Variants in CBX7 observed in about 807,000 individuals in gnomAD.
CBX7 encodes chromobox protein homolog 7.
A neutral mutation model predicts 31.4 loss-of-function variants in CBX7; 14 were observed. The ratio of observed to expected loss-of-function variants is 0.45; its 90% confidence interval spans 0.29 to 0.70. CBX7 has a LOEUF of 0.70. CBX7 is among the 30% of genes least tolerant of loss of function. The pLI is 0.11. For missense variants in CBX7, 269 were observed against 351.9 expected (o/e 0.76, Z 1.89); for synonymous variants, 159 against 152.6 (o/e 1.04, Z -0.31).
In CBX7 at chr22:39,132,962, AACC is replaced by A. The variant is rs1352659473; in HGVS notation, c.*926_*928del. The A allele has an allele frequency of 6.6e-6, 1 of 152,402 alleles. No individual in the cohort carries two copies. Among genetic ancestry groups the A allele is most frequent in the African/African-American group, 2.4e-5 (1 of 41,450 alleles). The allele number at this position is 152,402 out of a possible 1,614,324, so 9.4% of individuals were successfully genotyped here. ...GCAGCCTGGCCCGGTGCAGCCGAGAAACCACATCTGTATGCCTGGAGCATGGGG... is the reference window on the plus strand; with the variant it reads ...GCAGCCTGGCCCGGTGCAGCCGAGAAACATCTGTATGCCTGGAGCATGGGG... On this transcript the variant is annotated 3_prime_UTR_variant, in exon 6 of 6. Coordinates refer to ENST00000216133, the MANE Select transcript of CBX7 (RefSeq NM_175709.5).
At chr22:39,147,951 G>A (rs1930720037) in intron 2 of CBX7, 1 of 152,254 alleles carries the variant, frequency 6.6e-6, no homozygotes, top group Admixed American at 6.5e-5. Flanking sequence ...CACTTGGACT[G>A]GGCTGAACAT....
chr22:39,136,083 C>G (rs1230214905), intron 4 of CBX7: 2 of 139,024 alleles, frequency 1.4e-5, no homozygotes, highest in South Asian at 2.2e-4. Context: ...GAGCGAGACT[C>G]TGTCTGGGAA....
At chr22:39,145,055 G>A (rs763889975) in intron 2 of CBX7, among the ~76,000 whole-genome samples, 7 of 152,280 alleles carry the variant, frequency 4.6e-5, no homozygotes, top group Middle Eastern at 3.4e-3. Flanking sequence ...CCGCGGGAGG[G>A]GGCGTCGCCC....
chr22:39,133,747 G>T lies in CBX7; in HGVS notation c.*144C>A. The T allele has an allele frequency of 1.3e-6, 1 of 763,538 alleles. No homozygotes were observed. Among genetic ancestry groups the T allele is most frequent in the Non-Finnish European group, 2.0e-6 (1 of 505,426 alleles). The allele number at this position is 763,538 out of a possible 1,614,324, so 47.3% of individuals were successfully genotyped here. ...GTCCCTCAGAGAAAGGGCAGGTGGTGGGAGAGTAGTGGGATCTTCTCCCCT... is the reference window on the plus strand; with the variant it reads ...GTCCCTCAGAGAAAGGGCAGGTGGTTGGAGAGTAGTGGGATCTTCTCCCCT... On this transcript the variant is annotated 3_prime_UTR_variant, in exon 6 of 6. Transcript: ENST00000216133.
chr22:39,149,793 G>A lies in CBX7; in HGVS notation c.109C>T (p.Pro37Ser), dbSNP rs1930788788. The part of the protein sequence containing the change: ...EYLVKWKGWP[P>S]KYSTWEPEEH... ...CACACACATGAAGGAGCTTACTTTGGGGGCCATCCTTTCCACTTCACCAGA... is the reference window on the plus strand; with the variant it reads ...CACACACATGAAGGAGCTTACTTTGAGGGCCATCCTTTCCACTTCACCAGA... Residue 37 changes from proline (P) to serine (S), a missense_variant, in exon 2 of 6, where the codon CCA becomes TCA. Physicochemically the swap from Pro to Ser is moderately conservative, Grantham distance 74 (BLOSUM62 -1). Coordinates refer to ENST00000216133, the MANE Select transcript of CBX7 (RefSeq NM_175709.5). The A allele has an allele frequency of 7.4e-6, 12 of 1,613,838 alleles. No homozygotes were observed. Among genetic ancestry groups the A allele is most frequent in the African/African-American group, 1.3e-5 (1 of 74,982 alleles).
At chr22:39,139,559 C>T (rs546993708) in intron 3 of CBX7, among the ~76,000 whole-genome samples, 3 of 151,924 alleles carry the variant, frequency 2.0e-5, no homozygotes, top group Non-Finnish European at 4.4e-5. Flanking sequence ...AAAAATTAGC[C>T]GGGCATGGTG....
At chr22:39,141,275 C>T (rs1930445404) in intron 3 of CBX7, 96 bp downstream of exon 3, 2 of 1,079,734 alleles carry the variant, frequency 1.9e-6, no homozygotes, top group Middle Eastern at 2.1e-4. Context: ...GACACCCCTG[C>T]CCTGCCCCAA....
intron 2 of CBX7, among the ~76,000 whole-genome samples, chr22:39,141,982 C>A (rs1039930115): frequency 3.3e-5 from 5 of 152,178 alleles, no homozygotes; most frequent in Admixed American, 3.3e-4. Flanking sequence ...TTGTTAGACT[C>A]CACAATCACT....
chr22:39,133,310 C>T lies in CBX7; in HGVS notation c.*581G>A, dbSNP rs1930113353. Reference sequence around the variant, plus strand: ...AGGGCAGAGCTCTCAGCAGAAGGGTCTCAGCGGCGCCTCCTCCCTGGGAAG... The same window carrying T: ...AGGGCAGAGCTCTCAGCAGAAGGGTTTCAGCGGCGCCTCCTCCCTGGGAAG... On this transcript the variant is annotated 3_prime_UTR_variant, in exon 6 of 6. Coordinates refer to ENST00000216133, the MANE Select transcript of CBX7 (RefSeq NM_175709.5). The T allele has an allele frequency of 6.6e-6, 1 of 152,316 alleles. No homozygotes were observed. The highest frequency in any genetic ancestry group is 2.1e-4 in the South Asian group (1 of 4,824). 9.4% of individuals were successfully genotyped at this position (152,316 alleles called of 1,614,324 possible).
intron 1 of CBX7, among the ~76,000 whole-genome samples, chr22:39,150,267 C>A (rs1347068848): frequency 6.6e-6 from 1 of 152,090 alleles, no homozygotes; most frequent in African/African-American, 2.4e-5. Flanking sequence ...TGGGGTAGTC[C>A]CCACGCTCCT....
At chr22:39,134,137 C>G (rs1930154016) in intron 5 of CBX7, 89 bp from the exon 6 acceptor site, 10 of 1,337,092 alleles carry the variant, frequency 7.5e-6, no homozygotes, top group Non-Finnish European at 1.0e-5. Flanking sequence ...CCAGCTCCTC[C>G]TCTCTGTGTC....
intron 4 of CBX7, chr22:39,136,859 CT>C (rs1388316626): frequency 6.6e-6 from 1 of 152,268 alleles, no homozygotes; most frequent in Non-Finnish European, 1.5e-5. Flanking sequence ...GGAGATGTTA[CT>C]TCCCTTCCTA....
Position 39,133,819 on chromosome 22 carries a change from A to G in CBX7, c.*72T>C. ...AAATAAAATAATTACCCCGCCCCCA[A>G]CCCATCCCTATCTCTGGAAGTCCCA... On this transcript the variant is annotated 3_prime_UTR_variant, in exon 6 of 6. Transcript: ENST00000216133. The G allele has an allele frequency of 7.2e-7, 1 of 1,394,006 alleles. No homozygotes were observed. The highest frequency in any genetic ancestry group is 9.7e-7 in the Non-Finnish European group (1 of 1,034,614). 86.4% of individuals were successfully genotyped at this position (1,394,006 alleles called of 1,614,324 possible).
chr22:39,147,086 C>CTTTTTTTTT (rs34901545), intron 2 of CBX7: 10 of 62,340 alleles, frequency 1.6e-4, no homozygotes, highest in African/African-American at 6.9e-4. Flanking sequence ...AAAGTGTCCA[C>CTTTTTTTTT]TTTTTTTTTT....
intron 2 of CBX7, among the ~76,000 whole-genome samples, chr22:39,145,826 C>A (rs1930639323): frequency 6.6e-6 from 1 of 151,774 alleles, no homozygotes; most frequent in Non-Finnish European, 1.5e-5. Context: ...CAAGCCCCGG[C>A]CGCCCAGCCA....
In CBX7 at chr22:39,139,651, C is replaced by T. The variant is rs569793903; in HGVS notation, c.180-949G>A. On this transcript the variant is annotated intron_variant, in intron 3 of 5. Transcript: ENST00000216133. ...CTGGGAGGCGGAGCTTGCAGTGAGC[C>T]GAGATCGCGCCACTGCACTCCAGCC... is the stretch of plus-strand genomic sequence containing the variant. Among the ~76,000 whole-genome samples the T allele has an allele frequency of 4.3e-5, 6 of 138,250 alleles. No homozygotes were observed. The East Asian group carries it at 1.1e-3, about 24-fold the overall frequency. 90.7% of individuals were successfully genotyped at this position (138,250 alleles called of 152,430 possible). A position where few individuals can be genotyped will look rare whatever the true frequency, so the allele number is the denominator to read the frequency against.
chr22:39,149,873 G>A (rs769824191), intron 1 of CBX7, 41 bp from the exon 2 acceptor site: 4 of 1,555,580 alleles, frequency 2.6e-6, no homozygotes, highest in Non-Finnish European at 3.5e-6. Context: ...TCTCGTGGTT[G>A]CCCCTACAGC....
intron 3 of CBX7, among the ~76,000 whole-genome samples, chr22:39,140,052 C>T (rs1255069263): frequency 3.3e-5 from 5 of 152,188 alleles, no homozygotes; most frequent in African/African-American, 1.2e-4. Context: ...TTTCATCCTG[C>T]CTCCCACTTC....
intron 2 of CBX7, among the ~76,000 whole-genome samples, chr22:39,143,809 T>A (rs920309982): frequency 6.6e-6 from 1 of 152,114 alleles, no homozygotes; most frequent in East Asian, 1.9e-4. Context: ...CAGACTCTAT[T>A]ACACAGCCCA....
Sources: allele counts gnomAD v4.1 joint callset (sites outside exome capture counted in the v4.1 genomes callset), GRCh38; gene constraint gnomAD v4.1.1; transcripts MANE v1.5; gene names NCBI Gene and HGNC (gene_info 2026-07-23, HGNC 2026-07-21).